FGL1: variants seen among roughly 807,000 people sequenced by gnomAD.
The protein encoded by FGL1 is fibrinogen-like protein 1.
In FGL1, 59 loss-of-function variants were observed where a neutral mutation model predicts 43.7. The observed-to-expected ratio is 1.35, with a 90% CI of 1.10 to 1.68. The LOEUF (loss-of-function observed/expected upper bound fraction) is 1.68, where lower values mean the gene tolerates loss of function less well. Ranked by LOEUF, FGL1 falls within the 40% of genes most tolerant of loss-of-function variation. The probability of loss-of-function intolerance (pLI) is 0.00; values close to 1 mark genes in which losing one functional copy is unlikely to be tolerated. For synonymous variants in FGL1, 192 were observed against 126.5 expected (o/e 1.52, Z -3.48); for missense variants, 596 against 373.0 (o/e 1.60, Z -4.92).
At chr8:17,891,548 A>T (rs2053705163) in intron 1 of FGL1, 6 of 297,090 alleles carry the variant, frequency 2.0e-5, no homozygotes, top group Non-Finnish European at 3.0e-5. Flanking sequence ...ATGTACAAAG[A>T]CCCTATTTGC....
chr8:17,867,349 A>T (rs1040342652), intron 7 of FGL1, among the ~76,000 whole-genome samples: 2 of 152,234 alleles, frequency 1.3e-5, no homozygotes, highest in East Asian at 3.9e-4. Context: ...AACCAAAAGA[A>T]GACCACGACA....
At chr8:17,887,894 A>G (rs2053652838) in intron 1 of FGL1, among the ~76,000 whole-genome samples, 1 of 152,004 alleles carries the variant, frequency 6.6e-6, no homozygotes, top group African/African-American at 2.4e-5. Flanking sequence ...TTTTAAACAT[A>G]TGATATAATT....
At chr8:17,880,823 A>G (rs1486147311) in intron 3 of FGL1, among the ~76,000 whole-genome samples, 1 of 152,248 alleles carries the variant, frequency 6.6e-6, no homozygotes, top group Non-Finnish European at 1.5e-5. Context: ...AGTTTTCCAT[A>G]GAGAATAATG....
At chr8:17,889,630 A>C (rs1195437726) in intron 1 of FGL1, among the ~76,000 whole-genome samples, 2 of 152,236 alleles carry the variant, frequency 1.3e-5, no homozygotes. Flanking sequence ...CAGTGAAAAT[A>C]AGAAAACAAG....
rs1563452419 is a variant in FGL1 at position 17,875,543 on chromosome 8, T to TC, written c.245-1023_245-1022insG. 2.7e-3 allele frequency among the ~76,000 whole-genome samples: 45 copies of TC among 16,854 alleles called. 2 individuals carry two copies. Among genetic ancestry groups the TC allele is most frequent in the African/African-American group, 5.2e-3 (31 of 6,000 alleles). 11.1% of individuals were successfully genotyped at this position (16,854 alleles called of 152,430 possible). A position where few individuals can be genotyped will look rare whatever the true frequency, so the allele number is the denominator to read the frequency against. ...TCTTTCTTTCTTTCTTTCTCTTTCT[T>TC]TCTTTCTTTCTTTCTTTCTTTCTTT... is the stretch of plus-strand genomic sequence containing the variant. On this transcript the variant is annotated intron_variant, in intron 3 of 7. Coordinates refer to ENST00000427924, the MANE Select transcript of FGL1 (RefSeq NM_004467.4).
At chr8:17,891,932 T>C (rs2053711039) in intron 1 of FGL1, 2 of 265,918 alleles carry the variant, frequency 7.5e-6, no homozygotes, top group Admixed American at 6.5e-5. Context: ...GACATTTGGA[T>C]TTATAAAATC....
rs916149954 is a variant in FGL1 at position 17,888,839 on chromosome 8, T to A, written c.-17-3268A>T. 3.3e-5 allele frequency among the ~76,000 whole-genome samples: 5 copies of A among 152,312 alleles called. No individual in the cohort carries two copies. The East Asian group carries it at 9.6e-4, about 29-fold the overall frequency. ...TAACAATAAACTAGAATGAGATTAT[T>A]TCAAGCATATATTTTCTAACTATTC... is the stretch of plus-strand genomic sequence containing the variant. On this transcript the variant is annotated intron_variant, in intron 1 of 7. Coordinates refer to ENST00000427924, the MANE Select transcript of FGL1 (RefSeq NM_004467.4).
intron 3 of FGL1, among the ~76,000 whole-genome samples, chr8:17,880,471 C>CT (rs1163156488): frequency 2.6e-5 from 4 of 152,202 alleles, no homozygotes; most frequent in African/African-American, 9.7e-5. Flanking sequence ...CCTCTACAGT[C>CT]TTTCAATTCT....
intron 1 of FGL1, among the ~76,000 whole-genome samples, chr8:17,891,058 T>C (rs143630711): frequency 5.9e-5 from 9 of 152,322 alleles, no homozygotes; most frequent in African/African-American, 2.2e-4. Context: ...AATGAAATAT[T>C]ATAATATATG....
intron 2 of FGL1, among the ~76,000 whole-genome samples, chr8:17,883,503 T>G (rs1454753419): frequency 2.4e-5 from 3 of 127,642 alleles, no homozygotes; most frequent in African/African-American, 9.6e-5. Context: ...TTAAATATAT[T>G]TATATATAAT....
intron 6 of FGL1, 65 bp downstream of exon 6, chr8:17,868,851 T>C (rs2053312785): frequency 6.8e-7 from 1 of 1,465,902 alleles, no homozygotes; most frequent in African/African-American, 1.4e-5. Context: ...TTCCACTGAC[T>C]CCAGGGTTAT....
intron 5 of FGL1, among the ~76,000 whole-genome samples, chr8:17,872,557 C>T (rs1195565251): frequency 1.3e-5 from 2 of 152,320 alleles, no homozygotes; most frequent in East Asian, 1.9e-4. Context: ...CCCACCTCAG[C>T]ATCCCAAAGT....
rs550699954 is a variant in FGL1 at position 17,881,700 on chromosome 8, G to C, written c.244+299C>G. On this transcript the variant is annotated intron_variant, in intron 3 of 7. Coordinates refer to ENST00000427924, the MANE Select transcript of FGL1 (RefSeq NM_004467.4). ...TACAAAAAAAGTAGCCGGGCCTGGTGGTGGGCACCTGTAGTCCCAGCTACT... is the reference window on the plus strand; with the variant it reads ...TACAAAAAAAGTAGCCGGGCCTGGTCGTGGGCACCTGTAGTCCCAGCTACT... 1.0e-3 allele frequency among the ~76,000 whole-genome samples: 159 copies of C among 151,502 alleles called. 1 individual carries two copies. The highest frequency in any genetic ancestry group is 3.7e-3 in the African/African-American group (151 of 41,356).
chr8:17,879,091 G>C (rs2053497927), intron 3 of FGL1, among the ~76,000 whole-genome samples: 1 of 151,034 alleles, frequency 6.6e-6, no homozygotes, highest in South Asian at 2.1e-4. Context: ...GAAAAATATT[G>C]TTTTAATCTA....
intron 3 of FGL1, among the ~76,000 whole-genome samples, chr8:17,881,153 T>TTTTTTTTTTTTTTTTTTTTTTTG (rs2053529460): frequency 1.5e-5 from 2 of 132,978 alleles, no homozygotes; most frequent in African/African-American, 5.3e-5. Flanking sequence ...TTTTTTTTTT[T>TTTTTTTTTTTTTTTTTTTTTTTG]TGAGACAGAG....
At chr8:17,882,334 C>A (rs3739404) in intron 2 of FGL1, 155 bp from the exon 3 acceptor site, 368,282 of 618,730 alleles carry the variant, frequency 0.6, 115,305 homozygotes, top group Non-Finnish European at 0.67. Flanking sequence ...AGTTCTAATA[C>A]TGCCTACTAT....
At chr8:17,891,838 A>C in intron 1 of FGL1, 1 of 971,754 alleles carries the variant, frequency 1.0e-6, no homozygotes, top group Non-Finnish European at 1.2e-6. Context: ...AACTACTCTT[A>C]ATGAATTATG....
At chr8:17,874,627 A>C (rs1452956398) in intron 3 of FGL1, 106 bp from the exon 4 acceptor site, 1 of 753,172 alleles carries the variant, frequency 1.3e-6, no homozygotes, top group Non-Finnish European at 2.1e-6. Flanking sequence ...GACAGATAAC[A>C]CATGGTATAG....
chr8:17,877,475 A>T (rs1340052434), intron 3 of FGL1, among the ~76,000 whole-genome samples: 1 of 152,124 alleles, frequency 6.6e-6, no homozygotes, highest in Non-Finnish European at 1.5e-5. Context: ...CAAAGCTGAG[A>T]ACCAAAGGCA....
Sources: allele counts gnomAD v4.1 joint callset (sites outside exome capture counted in the v4.1 genomes callset), GRCh38; gene constraint gnomAD v4.1.1; transcripts MANE v1.5; gene names NCBI Gene and HGNC (gene_info 2026-07-23, HGNC 2026-07-21).